The following AP3S2 variants were observed in gnomAD, a reference collection of about 807,000 sequenced individuals.
AP3S2 encodes AP-3 complex subunit sigma-2.
In AP3S2, 22 loss-of-function variants were observed where a neutral mutation model predicts 23.4. The ratio of observed to expected loss-of-function variants is 0.94; its 90% CI spans 0.67 to 1.34. The LOEUF is 1.34. AP3S2 is among the 40% of genes most tolerant of loss of function. The pLI, the probability that AP3S2 is intolerant of heterozygous loss-of-function variation, is 0.00. For synonymous variants in AP3S2, 86 were observed against 87.1 expected (o/e 0.99, Z 0.07); for missense variants, 241 against 236.9 (o/e 1.02, Z -0.11).
intron 4 of AP3S2, among the ~76,000 whole-genome samples, chr15:89,859,068 G>C (rs1303558426): frequency 6.6e-6 from 1 of 150,744 alleles, no homozygotes; most frequent in Non-Finnish European, 1.5e-5. Context: ...TTATTGCTCA[G>C]GCTGTTCTCA....
intron 4 of AP3S2, among the ~76,000 whole-genome samples, chr15:89,849,328 T>A (rs545780119): frequency 1.3e-3 from 198 of 151,962 alleles, no homozygotes; most frequent in Non-Finnish European, 2.5e-3. Context: ...TTGGGGGGAG[T>A]GCTTTTTTTG....
intron 4 of AP3S2, chr15:89,852,220 C>G (rs527455995): frequency 6.6e-6 from 1 of 152,258 alleles, no homozygotes; most frequent in East Asian, 1.9e-4. Flanking sequence ...CAGGCTTATT[C>G]TAAAGATTAA....
chr15:89,892,946 G>A (rs570714471), intron 1 of AP3S2: 2 of 152,320 alleles, frequency 1.3e-5, no homozygotes, highest in Non-Finnish European at 1.5e-5. Context: ...TTACAGGCGT[G>A]AGCCACCGCG....
Position 89,837,626 on chromosome 15 carries a change from C to T in AP3S2, c.442G>A (p.Glu148Lys). Residue 148 changes from glutamate (E) to lysine (K), a missense_variant, in exon 5 of 6, where the codon GAG becomes AAG. By Grantham distance (56) the Glu-to-Lys change is moderately conservative. Coordinates refer to ENST00000336418, the MANE Select transcript of AP3S2 (RefSeq NM_005829.5). Reference protein sequence around the residue: ...VAQIEAQNRLEKSEGGLSAAP... With the variant: ...VAQIEAQNRLKKSEGGLSAAP... ...AGCTGCTTACTCACCTCGGATTTCT[C>T]CAGCCTGTTTTGAGCCTCAATCTGA... 6.2e-7 allele frequency: 1 copy of T among 1,614,182 alleles called. No individual in the cohort carries two copies. The highest frequency in any genetic ancestry group is 8.5e-7 in the Non-Finnish European group (1 of 1,180,026).
At chr15:89,891,040 C>T (rs1406339247) in intron 1 of AP3S2, among the ~76,000 whole-genome samples, 1 of 152,196 alleles carries the variant, frequency 6.6e-6, no homozygotes, top group Non-Finnish European at 1.5e-5. Flanking sequence ...TGCTAAGCAT[C>T]AGCACTTTTT....
At chr15:89,859,217 CTT>C (rs1392586046) in intron 4 of AP3S2, among the ~76,000 whole-genome samples, 6 of 148,266 alleles carry the variant, frequency 4.0e-5, no homozygotes, top group African/African-American at 7.5e-5. Context: ...CTTCCTTTCT[CTT>C]TCTTTCTTTC....
At chr15:89,886,100 C>T (rs1896695023) in intron 3 of AP3S2, among the ~76,000 whole-genome samples, 2 of 152,022 alleles carry the variant, frequency 1.3e-5, no homozygotes, top group African/African-American at 2.4e-5. Context: ...CCTGTAATCC[C>T]AGCACTTTGG....
At chr15:89,874,833 G>C (rs1896403868) in intron 3 of AP3S2, among the ~76,000 whole-genome samples, 1 of 152,058 alleles carries the variant, frequency 6.6e-6, no homozygotes, top group Admixed American at 6.5e-5. Context: ...TGGGAATATA[G>C]ATCAGTGGGG....
intron 1 of AP3S2, among the ~76,000 whole-genome samples, chr15:89,890,203 C>A (rs1258878168): frequency 6.6e-6 from 1 of 152,102 alleles, no homozygotes; most frequent in Admixed American, 6.6e-5. Flanking sequence ...GTATGTGCCA[C>A]CATGCCCGGC....
chr15:89,887,518 C>G (rs148981189), intron 3 of AP3S2, among the ~76,000 whole-genome samples: 1 of 151,450 alleles, frequency 6.6e-6, no homozygotes, highest in Non-Finnish European at 1.5e-5. Flanking sequence ...ATTACTGGCA[C>G]GTGCCACTAC....
At chr15:89,867,664 G>A (rs1475956120) in intron 4 of AP3S2, among the ~76,000 whole-genome samples, 43 of 130,496 alleles carry the variant, frequency 3.3e-4, no homozygotes, top group Non-Finnish European at 2.0e-4. Context: ...CTGCCCCGCC[G>A]CCCCATCTGG....
intron 3 of AP3S2, chr15:89,884,133 TAATA>T (rs1323375269): frequency 6.5e-6 from 1 of 153,908 alleles, no homozygotes; most frequent in Non-Finnish European, 1.5e-5. Flanking sequence ...ACAGTTACAT[TAATA>T]AATGTGTACT....
At chr15:89,877,952 T>C (rs745412264) in intron 3 of AP3S2, among the ~76,000 whole-genome samples, 2 of 152,210 alleles carry the variant, frequency 1.3e-5, no homozygotes, top group Non-Finnish European at 2.9e-5. Flanking sequence ...TCACTAAACC[T>C]GACAGGACTA....
At chr15:89,893,662 T>C (rs1309842987) in intron 1 of AP3S2, 1 of 532,876 alleles carries the variant, frequency 1.9e-6, no homozygotes, top group African/African-American at 2.0e-5. Context: ...AATGCCAGGA[T>C]CAAGAAAAGG....
intron 4 of AP3S2, among the ~76,000 whole-genome samples, chr15:89,868,033 G>T (rs1277852222): frequency 7.5e-6 from 1 of 134,102 alleles, no homozygotes; most frequent in African/African-American, 2.8e-5. Context: ...TCCAGGAGGT[G>T]AGGGGCGCCT....
At chr15:89,847,514 C>T (rs181339437) in intron 4 of AP3S2, among the ~76,000 whole-genome samples, 1 of 151,262 alleles carries the variant, frequency 6.6e-6, no homozygotes, top group East Asian at 2.0e-4. Flanking sequence ...TCTAGAACTA[C>T]TAGGGGTGGG....
intron 3 of AP3S2, among the ~76,000 whole-genome samples, chr15:89,876,191 G>A (rs1466293523): frequency 6.6e-6 from 1 of 152,100 alleles, no homozygotes; most frequent in Non-Finnish European, 1.5e-5. Flanking sequence ...GCCAAGTCAG[G>A]CAGATCACCT....
intron 4 of AP3S2, among the ~76,000 whole-genome samples, chr15:89,853,280 A>C (rs887072646): frequency 2.0e-5 from 3 of 152,236 alleles, no homozygotes; most frequent in Admixed American, 1.3e-4. Flanking sequence ...AAAAGTAAAA[A>C]TAAAGACAAA....
In AP3S2 at chr15:89,888,951, C is replaced by T. The variant is rs984647342; in HGVS notation, c.161+98G>A. On this transcript the variant is annotated intron_variant, in intron 2 of 5. Transcript: ENST00000336418. ...ATGGTGAGACCAGCTAAAGTTGCAT[C>T]AAGTACCCACCTGACACTTGAGTAC... The T allele has an allele frequency of 1.0e-5, 15 of 1,438,024 alleles. No individual in the cohort carries two copies. The East Asian group carries it at 2.8e-4, about 27-fold the overall frequency. The allele number at this position is 1,438,024 out of a possible 1,614,324, so 89.1% of individuals were successfully genotyped here.
Sources: gnomAD v4.1 joint callset for allele counts (sites outside exome capture counted in the v4.1 genomes callset) on GRCh38, gnomAD v4.1.1 for gene constraint, MANE v1.5 for transcripts, NCBI Gene and HGNC (gene_info 2026-07-23, HGNC 2026-07-21) for gene names.